ZSCAN29: variants seen among roughly 807,000 people sequenced by gnomAD.
The protein encoded by ZSCAN29 is zinc finger and SCAN domain-containing protein 29.
A neutral mutation model predicts 71.9 loss-of-function variants in ZSCAN29; 55 were observed. That is an observed-to-expected ratio of 0.76 (90% CI 0.62 to 0.96). The LOEUF is 0.96. ZSCAN29 is among the 40% of genes least tolerant of loss of function. The pLI is 0.00. For synonymous variants in ZSCAN29, 351 were observed against 371.6 expected (o/e 0.94, Z 0.64); for missense variants, 1,042 against 1,042.2 (o/e 1.00, Z 0.00).
rs28493274 is a variant in ZSCAN29, at chr15:43,369,017, C to G, written c.429G>C (p.Arg143Ser). Residue 143 changes from arginine (R) to serine (S), a missense_variant, in exon 3 of 6, where the codon AGG (arginine) becomes AGC (serine). Arg to Ser is a moderately radical substitution (Grantham distance 110, BLOSUM62 -1). Coordinates refer to ENST00000684362, the MANE Select transcript of ZSCAN29 (RefSeq NM_001372080.1). ...VRQESVEPQP[R>S]GVPKKERARS... ...TTGCCCTCTCTTTCTTGGGTACACC[C>G]CTGGGCTGGGGTTCCACTGACTCCT... 2 of 1,612,950 alleles carry G rather than the reference C, an allele frequency of 1.2e-6. No homozygotes were observed. The highest frequency in any genetic ancestry group is 1.1e-5 in the South Asian group (1 of 90,798).
At chr15:43,364,495 A>C (rs1443965159) in intron 4 of ZSCAN29, 113 bp from the exon 5 acceptor site, 1 of 987,024 alleles carries the variant, frequency 1.0e-6, no homozygotes, top group South Asian at 1.4e-5. Flanking sequence ...CTCCTAGATG[A>C]AAAAGTAAAA....
Position 43,369,087 on chromosome 15 carries a change from T to A in ZSCAN29, c.359A>T (p.Lys120Met), listed in dbSNP as rs778053562. 6.3e-7 allele frequency: 1 copy of A among 1,599,354 alleles called. No homozygotes were observed. Among genetic ancestry groups the A allele is most frequent in the Non-Finnish European group, 8.5e-7 (1 of 1,170,140 alleles). The change falls in exon 3 of 6, where the codon AAG becomes ATG. Residue 120 changes from lysine (K) to methionine (M), a missense_variant. Coordinates refer to ENST00000684362, the MANE Select transcript of ZSCAN29 (RefSeq NM_001372080.1). ...SVKGQEVRLE[K>M]MTPPKSSQEL... is the part of the protein sequence containing the mutation. ...TTGTGATGATTTCGGGGGTGTCATC[T>A]TCTCCAAGCGCACTTCCTGCCCCTT...
chr15:43,367,035 C>G (rs1286271721), intron 3 of ZSCAN29, among the ~76,000 whole-genome samples: 5 of 152,206 alleles, frequency 3.3e-5, no homozygotes, highest in Non-Finnish European at 7.3e-5. Context: ...GGAAAGGATT[C>G]TGTTGTGTGT....
rs1042725250 is a variant in ZSCAN29 at position 43,366,177 on chromosome 15, G to A, written c.1155C>T (p.Asp385=). 6.2e-7 allele frequency: 1 copy of A among 1,614,088 alleles called. No individual in the cohort carries two copies. Among genetic ancestry groups the A allele is most frequent in the African/African-American group, 1.3e-5 (1 of 75,010 alleles). ...EAVAQESDSD[D]MDLEATPQDP... ...CCTGGGGGGTCGCCTCTAGATCCATGTCATCACTGTCAGACTCCTGAGCCA... is the reference window on the plus strand; with the variant it reads ...CCTGGGGGGTCGCCTCTAGATCCATATCATCACTGTCAGACTCCTGAGCCA... The change falls in exon 4 of 6, where the codon GAC becomes GAT. Residue 385 remains aspartate (D), a synonymous_variant. Transcript: ENST00000684362.
chr15:43,363,873 C>T (rs765335050), intron 5 of ZSCAN29, 42 bp downstream of exon 5: 11 of 1,523,058 alleles, frequency 7.2e-6, no homozygotes, highest in Non-Finnish European at 9.7e-6. Flanking sequence ...GTCCCATTGT[C>T]TTCCCTTTGT....
chr15:43,358,417 C>G lies in ZSCAN29; in HGVS notation c.*2656G>C, dbSNP rs576393689. 5.9e-5 allele frequency: 9 copies of G among 152,066 alleles called. No individual in the cohort carries two copies. Among genetic ancestry groups the G allele is most frequent in the African/African-American group, 1.7e-4 (7 of 41,452 alleles). The allele number at this position is 152,066 out of a possible 1,614,324, so 9.4% of individuals were successfully genotyped here. A position where few individuals can be genotyped will look rare whatever the true frequency, so the allele number is the denominator to read the frequency against. On this transcript the variant is annotated 3_prime_UTR_variant, in exon 6 of 6. Transcript: ENST00000684362. ...TCCTAAATCATCTGAGATCCTGAGGCACTGCTTCAGACTGGTGTTTCTTGT... is the reference window on the plus strand; with the variant it reads ...TCCTAAATCATCTGAGATCCTGAGGGACTGCTTCAGACTGGTGTTTCTTGT...
intron 3 of ZSCAN29, among the ~76,000 whole-genome samples, chr15:43,368,557 AAGAAT>A (rs1312274097): frequency 1.4e-5 from 2 of 146,620 alleles, no homozygotes; most frequent in Non-Finnish European, 3.1e-5. Context: ...AAAAAAAAAA[AAGAAT>A]GGATCTTCTG....
intron 5 of ZSCAN29, among the ~76,000 whole-genome samples, chr15:43,362,757 A>G (rs1378899253): frequency 6.6e-6 from 1 of 152,200 alleles, no homozygotes; most frequent in African/African-American, 2.4e-5. Context: ...GTGAGCCTCC[A>G]ACAGGGGTAT....
At position 43,358,433 on chromosome 15, in the gene ZSCAN29, T is replaced by G. The variant is rs1317429495; in HGVS notation, c.*2640A>C. 6.6e-6 allele frequency: 1 copy of G among 152,174 alleles called. No homozygotes were observed. Among genetic ancestry groups the G allele is most frequent in the Non-Finnish European group, 1.5e-5 (1 of 68,036 alleles). The allele number at this position is 152,174 out of a possible 1,614,324, so 9.4% of individuals were successfully genotyped here. On this transcript the variant is annotated 3_prime_UTR_variant, in exon 6 of 6. Coordinates refer to ENST00000684362, the MANE Select transcript of ZSCAN29 (RefSeq NM_001372080.1). ...ATCCTGAGGCACTGCTTCAGACTGG[T>G]GTTTCTTGTAGCTTCCTGTCTGCTT...
Position 43,361,959 on chromosome 15 carries a change from T to G in ZSCAN29, c.1691-18A>C. 2.5e-6 allele frequency: 4 copies of G among 1,586,800 alleles called. No individual in the cohort carries two copies. Among genetic ancestry groups the G allele is most frequent in the Non-Finnish European group, 3.4e-6 (4 of 1,166,870 alleles). On this transcript the variant is annotated intron_variant, in intron 5 of 5. Coordinates refer to ENST00000684362, the MANE Select transcript of ZSCAN29 (RefSeq NM_001372080.1). ...TTCAAAACCTGATGTAAAACAGAATTTTAGAAGTTATCTATTTTCTTAATC... is the reference window on the plus strand; with the variant it reads ...TTCAAAACCTGATGTAAAACAGAATGTTAGAAGTTATCTATTTTCTTAATC...
chr15:43,368,450 C>T (rs1473646811), intron 3 of ZSCAN29, among the ~76,000 whole-genome samples: 1 of 89,370 alleles, frequency 1.1e-5, no homozygotes, highest in Non-Finnish European at 1.8e-5. Context: ...GGCGTGAACC[C>T]GGGAGGCGGA....
rs748000591 is a variant in ZSCAN29 at position 43,361,912 on chromosome 15, T to C, written c.1720A>G (p.Asn574Asp). ...TCCTCAGAAATATCCCGTTTTGAAT[T>C]ATCTTCATTCTCAAATCCAGCTTCA... ...GFEAGFENEDNSKRDISEEVQ... is the reference protein window; with the variant it reads ...GFEAGFENEDDSKRDISEEVQ... The change falls in exon 6 of 6, where the codon AAT becomes GAT. Residue 574 changes from asparagine (N) to aspartate (D), a missense_variant. Physicochemically the swap from Asn to Asp is conservative, Grantham distance 23 (BLOSUM62 1). Transcript: ENST00000684362. 6.2e-7 allele frequency: 1 copy of C among 1,611,596 alleles called. No individual in the cohort carries two copies. Among genetic ancestry groups the C allele is most frequent in the Non-Finnish European group, 8.5e-7 (1 of 1,178,618 alleles).
In ZSCAN29 at chr15:43,360,949, G is replaced by T; in HGVS notation, c.*124C>A. 2.3e-6 allele frequency: 3 copies of T among 1,294,314 alleles called. No homozygotes were observed. The highest frequency in any genetic ancestry group is 3.2e-6 in the Non-Finnish European group (3 of 946,616). 80.2% of individuals were successfully genotyped at this position (1,294,314 alleles called of 1,614,324 possible). A position where few individuals can be genotyped will look rare whatever the true frequency, so the allele number is the denominator to read the frequency against. ...CAGGAAAAACAAGGAACAAACAGTG[G>T]CATAAATCCTAAAGTGAATTTCCTA... On this transcript the variant is annotated 3_prime_UTR_variant, in exon 6 of 6. Coordinates refer to ENST00000684362, the MANE Select transcript of ZSCAN29 (RefSeq NM_001372080.1).
At position 43,360,971 on chromosome 15, in the gene ZSCAN29, C is replaced by T; in HGVS notation, c.*102G>A. 6.9e-7 allele frequency: 1 copy of T among 1,441,100 alleles called. No individual in the cohort carries two copies. The highest frequency in any genetic ancestry group is 9.3e-7 in the Non-Finnish European group (1 of 1,076,140). 89.3% of individuals were successfully genotyped at this position (1,441,100 alleles called of 1,614,324 possible). On this transcript the variant is annotated 3_prime_UTR_variant, in exon 6 of 6. Transcript: ENST00000684362. The stretch of plus-strand genomic sequence containing the variant: ...GTGGCATAAATCCTAAAGTGAATTT[C>T]CTAAGCTAACTGGACACAGAATAGT...
Position 43,369,043 on chromosome 15 carries a change from G to A in ZSCAN29, c.403C>T (p.Gln135Ter). 6.2e-7 allele frequency: 1 copy of A among 1,612,604 alleles called. No homozygotes were observed. The highest frequency in any genetic ancestry group is 8.5e-7 in the Non-Finnish European group (1 of 1,179,328). ...CTGGGCTGGGGTTCCACTGACTCCT[G>A]CCGAACACTTAATAACTCTTGTGAT... is the stretch of plus-strand genomic sequence containing the variant. ...KSSQELLSVRQESVEPQPRGV... is the reference protein window; with the variant it reads ...KSSQELLSVR Residue 135 changes from glutamine to a stop codon, truncating the protein, a stop_gained, in exon 3 of 6, where the codon CAG (glutamine) becomes TAG (stop). Transcript: ENST00000684362. LOFTEE classifies it high-confidence loss of function.
chr15:43,363,497 G>A (rs929758691), intron 5 of ZSCAN29, among the ~76,000 whole-genome samples: 6 of 152,146 alleles, frequency 3.9e-5, no homozygotes, highest in Non-Finnish European at 8.8e-5. Flanking sequence ...TCATAAATGT[G>A]AATAAAGCAG....
rs778150222 is a variant in ZSCAN29, at chr15:43,361,284, A to G, written c.2348T>C (p.Ile783Thr). The change falls in exon 6 of 6, where the codon ATA becomes ACA. Residue 783 changes from isoleucine to threonine, a missense_variant. Coordinates refer to ENST00000684362, the MANE Select transcript of ZSCAN29 (RefSeq NM_001372080.1). ...NSSHFSAHRR[I>T]HTGERPHVCP... is the part of the protein sequence containing the mutation. Reference sequence around the variant, plus strand: ...CACATGGGGTCTCTCTCCTGTGTGTATCCTCCGATGTGCACTAAAATGAGA... The same window carrying G: ...CACATGGGGTCTCTCTCCTGTGTGTGTCCTCCGATGTGCACTAAAATGAGA... 6.2e-7 allele frequency: 1 copy of G among 1,614,006 alleles called. No homozygotes were observed. The highest frequency in any genetic ancestry group is 1.3e-5 in the African/African-American group (1 of 74,900).
Position 43,365,205 on chromosome 15 carries a change from G to C in ZSCAN29, c.1223-823C>G, listed in dbSNP as rs559012007. Among the ~76,000 whole-genome samples, 4 of 152,284 alleles carry C rather than the reference G, an allele frequency of 2.6e-5. No homozygotes were observed. The East Asian group carries it at 7.7e-4, about 29-fold the overall frequency. ...CCATTTTACACTTGAGGAAATGGAA[G>C]CTTAGAATGGTTAGATAACTGCTCA... is the stretch of plus-strand genomic sequence containing the variant. On this transcript the variant is annotated intron_variant, in intron 4 of 5. Transcript: ENST00000684362.
intron 4 of ZSCAN29, 56 bp downstream of exon 4, chr15:43,366,052 TCC>T: frequency 1.3e-6 from 2 of 1,519,286 alleles, no homozygotes; most frequent in Middle Eastern, 2.1e-4. Context: ...TGACTCCACA[TCC>T]AGTCTCTTTG....
Sources: gnomAD v4.1 joint callset for allele counts (sites outside exome capture counted in the v4.1 genomes callset) on GRCh38, gnomAD v4.1.1 for gene constraint, MANE v1.5 for transcripts, NCBI Gene and HGNC (gene_info 2026-07-23, HGNC 2026-07-21) for gene names.